The following OOEP variants were observed in gnomAD, a reference collection of about 807,000 sequenced individuals.
The protein encoded by OOEP is oocyte-expressed protein homolog.
A neutral mutation model predicts 13.7 loss-of-function variants in OOEP; 16 were observed. That is an observed-to-expected ratio of 1.16 (90% CI 0.79 to 1.77). OOEP has a LOEUF of 1.77. Ranked by LOEUF, OOEP falls within the 40% of genes most tolerant of loss-of-function variation. The pLI, the probability that OOEP is intolerant of heterozygous loss-of-function variation, is 0.00. For missense variants in OOEP, 195 were observed against 193.1 expected (o/e 1.01, Z -0.06); for synonymous variants, 89 against 77.1 (o/e 1.15, Z -0.81).
At chr6:73,394,851 T>C in exon 1 of OOEP, 3 of 1,590,460 alleles carry the variant, frequency 1.9e-6, no homozygotes, top group Non-Finnish European at 2.6e-6. Flanking sequence ...GACGTCACGG[T>C]CAGGTGGTGC....
chr6:73,376,372 T>G (rs1160090745), intron 2 of OOEP, among the ~76,000 whole-genome samples: 1 of 103,424 alleles, frequency 9.7e-6, no homozygotes, highest in Non-Finnish European at 2.0e-5. Flanking sequence ...TTTTTTTTTT[T>G]GAATACAACA....
chr6:73,369,485 G>T, intron 1 of OOEP, 100 bp from the exon 2 acceptor site: 1 of 1,484,388 alleles, frequency 6.7e-7, no homozygotes. Flanking sequence ...CTGGAAGGTG[G>T]GCATCACTGC....
intron 2 of OOEP, among the ~76,000 whole-genome samples, chr6:73,392,007 G>A (rs1362396282): frequency 6.6e-6 from 1 of 152,150 alleles, no homozygotes; most frequent in South Asian, 2.1e-4. Flanking sequence ...TTACGTGAAG[G>A]TTCACTCTCA....
At chr6:73,390,754 CTTT>C (rs530030331) in intron 2 of OOEP, among the ~76,000 whole-genome samples, 1 of 143,576 alleles carries the variant, frequency 7.0e-6, no homozygotes, top group Middle Eastern at 3.2e-3. Flanking sequence ...TTTTTTTTTT[CTTT>C]TTTTTTCTTT....
chr6:73,369,970 T>C (rs535112678), upstream of OOEP: 21 of 602,410 alleles, frequency 3.5e-5, no homozygotes, highest in South Asian at 2.7e-4. Context: ...AGCGGCACCA[T>C]TGGACACTTC....
At chr6:73,381,205 TA>T (rs66507015) in intron 2 of OOEP, among the ~76,000 whole-genome samples, 3,510 of 100,656 alleles carry the variant, frequency 0.035, 58 homozygotes, top group East Asian at 0.06. Flanking sequence ...AAAAAAGTGT[TA>T]AAAAAAAAAA....
chr6:73,369,614 T>C lies in OOEP; in HGVS notation c.179A>G (p.Asp60Gly), dbSNP rs1238091132. 2 of 1,613,430 alleles carry C rather than the reference T, an allele frequency of 1.2e-6. No homozygotes were observed. Among genetic ancestry groups the C allele is most frequent in the African/African-American group, 2.7e-5 (2 of 74,918 alleles). ...CTGGGGTCGCTCACCAAAGAGCTCG[T>C]CTGCCAGCCATGCCTCTAGGTAGAA... is the stretch of plus-strand genomic sequence containing the variant. ...LVFYLEAWLA[D>G]ELFGPDRAII... is the part of the protein sequence containing the mutation. The change falls in exon 1 of 3, where the codon GAC becomes GGC. Residue 60 changes from aspartate (D) to glycine (G), a missense_variant. Physicochemically the swap from Asp to Gly is moderately conservative, Grantham distance 94. Transcript: ENST00000370359.
rs767683018 is a variant in OOEP at position 73,369,814 on chromosome 6, G to A, written c.-22C>T. On this transcript the variant is annotated 5_prime_UTR_variant, in exon 1 of 3. Coordinates refer to ENST00000370359, the MANE Select transcript of OOEP (RefSeq NM_001080507.3). ...CCATACTGGGACCAGCAGCCGCGGAGCGCGCTCGAGGCGGCTTTCGCAAGA... is the reference window on the plus strand; with the variant it reads ...CCATACTGGGACCAGCAGCCGCGGAACGCGCTCGAGGCGGCTTTCGCAAGA... 19 of 1,603,296 alleles carry A rather than the reference G, an allele frequency of 1.2e-5. No individual in the cohort carries two copies. The highest frequency in any genetic ancestry group is 1.4e-5 in the Non-Finnish European group (17 of 1,173,600).
chr6:73,377,104 C>G (rs1009805481), intron 2 of OOEP, among the ~76,000 whole-genome samples: 2 of 152,162 alleles, frequency 1.3e-5, no homozygotes, highest in Non-Finnish European at 2.9e-5. Flanking sequence ...CCAGTTAACA[C>G]AATTAGCTAG....
chr6:73,389,505 A>C (rs932913269), intron 2 of OOEP, among the ~76,000 whole-genome samples: 19 of 152,144 alleles, frequency 1.2e-4, no homozygotes, highest in African/African-American at 4.1e-4. Flanking sequence ...CCAAGTTGGG[A>C]TTTAGGATAA....
At chr6:73,384,366 AAGG>A (rs1355944241) in intron 2 of OOEP, among the ~76,000 whole-genome samples, 1 of 152,200 alleles carries the variant, frequency 6.6e-6, no homozygotes, top group East Asian at 1.9e-4. Context: ...CAAGTATTTA[AAGG>A]AGAACTAATG....
intron 2 of OOEP, among the ~76,000 whole-genome samples, chr6:73,381,942 C>T (rs117225431): frequency 6.6e-6 from 1 of 152,274 alleles, no homozygotes; most frequent in East Asian, 1.9e-4. Context: ...GACTGTGCCA[C>T]TGTATTCCAG....
rs149128666 is a variant in OOEP at position 73,389,793 on chromosome 6, T to G, written c.25+4553A>C. On this transcript the variant is annotated intron_variant, in intron 2 of 3. Transcript: ENST00000370363. ...CACACCAACATGGCACATGTATACA[T>G]ATGTAACAAACCTGCACGTTGTGCA... Among the ~76,000 whole-genome samples, 490 of 152,252 alleles carry G rather than the reference T, an allele frequency of 3.2e-3. 2 individuals carry two copies. The highest frequency in any genetic ancestry group is 0.011 in the African/African-American group (468 of 41,552).
intron 2 of OOEP, among the ~76,000 whole-genome samples, chr6:73,384,144 G>T (rs1769238874): frequency 6.6e-6 from 1 of 151,868 alleles, no homozygotes; most frequent in Non-Finnish European, 1.5e-5. Flanking sequence ...TGGAGGACCA[G>T]ATATAAAAAG....
intron 1 of OOEP, 48 bp from the exon 2 acceptor site, chr6:73,369,433 G>A (rs770761987): frequency 1.3e-6 from 2 of 1,573,890 alleles, no homozygotes; most frequent in South Asian, 2.3e-5. Flanking sequence ...TGGCAGGTTA[G>A]AAGCTGGATT....
rs754239074 is a variant in OOEP at position 73,369,610 on chromosome 6, C to T, written c.183G>A (p.Glu61=). The change falls in exon 1 of 3, where the codon GAG becomes GAA. Residue 61 remains glutamate (E), a synonymous_variant. Transcript: ENST00000370359. The stretch of plus-strand genomic sequence containing the variant: ...ACACCTGGGGTCGCTCACCAAAGAG[C>T]TCGTCTGCCAGCCATGCCTCTAGGT... ...VFYLEAWLAD[E]LFGPDRAIIP... is the part of the protein sequence containing the mutation. The T allele has an allele frequency of 6.1e-5, 99 of 1,613,318 alleles. No individual in the cohort carries two copies. Among genetic ancestry groups the T allele is most frequent in the Non-Finnish European group, 7.8e-5 (92 of 1,179,438 alleles).
chr6:73,383,981 A>C (rs570048265), intron 2 of OOEP, among the ~76,000 whole-genome samples: 4 of 152,150 alleles, frequency 2.6e-5, no homozygotes, highest in Admixed American at 2.0e-4. Flanking sequence ...CTGTAATCCC[A>C]GCTACTTCAG....
intron 2 of OOEP, among the ~76,000 whole-genome samples, chr6:73,377,094 C>T (rs748160802): frequency 9.2e-5 from 14 of 152,152 alleles, no homozygotes; most frequent in Non-Finnish European, 1.5e-4. Context: ...TGTGCCATTG[C>T]CAGTTAACAC....
intron 2 of OOEP, among the ~76,000 whole-genome samples, chr6:73,377,235 T>G (rs1769149718): frequency 6.6e-6 from 1 of 152,212 alleles, no homozygotes; most frequent in Admixed American, 6.5e-5. Context: ...GCTGAAAATA[T>G]AATCCTGTGA....
Sources: gnomAD v4.1 joint callset for allele counts (sites outside exome capture counted in the v4.1 genomes callset) on GRCh38, gnomAD v4.1.1 for gene constraint, MANE v1.5 for transcripts, NCBI Gene and HGNC (gene_info 2026-07-23, HGNC 2026-07-21) for gene names.